Variants in MPST observed in about 807,000 individuals in gnomAD.
MPST encodes the protein mercaptopyruvate sulfurtransferase, also known as 3-mercaptopyruvate sulfurtransferase.
MPST carries 27 observed loss-of-function variants against 28.5 expected under a neutral mutation model. That is an observed-to-expected ratio of 0.95 (90% CI 0.70 to 1.31). The LOEUF (loss-of-function observed/expected upper bound fraction) is 1.31. Ranked by LOEUF, MPST falls within the 50% of genes most tolerant of loss-of-function variation. The pLI is 0.00. For synonymous variants in MPST, 204 were observed against 209.3 expected (o/e 0.97, Z 0.22); for missense variants, 492 against 471.1 (o/e 1.04, Z -0.41).
chr22:37,027,851 G>T (rs139225091), intron 2 of MPST: 2 of 152,154 alleles, frequency 1.3e-5, no homozygotes, highest in Admixed American at 1.3e-4. Flanking sequence ...ATCCTTCGGG[G>T]CATTCTCAGA....
At chr22:37,026,032 G>C (rs1184266171) in intron 2 of MPST, 1 of 152,218 alleles carries the variant, frequency 6.6e-6, no homozygotes, top group African/African-American at 2.4e-5. Context: ...GGTGTTACCG[G>C]AACCATAGGA....
In MPST at chr22:37,029,604, G is replaced by A. The variant is rs1923769766; in HGVS notation, c.*90G>A. On this transcript the variant is annotated 3_prime_UTR_variant, in exon 3 of 3. Transcript: ENST00000429360. ...CCGCTTCTGCTTTCACCAAGAGAGT[G>A]TTTCTTCACTCAACTCAGGTGGCAT... 3.0e-6 allele frequency: 4 copies of A among 1,322,892 alleles called. No homozygotes were observed. The highest frequency in any genetic ancestry group is 2.5e-5 in the Admixed American group (1 of 39,684). 81.9% of individuals were successfully genotyped at this position (1,322,892 alleles called of 1,614,324 possible). A position where few individuals can be genotyped will look rare whatever the true frequency, so the allele number is the denominator to read the frequency against.
Position 37,024,771 on chromosome 22 carries a change from A to G in MPST, c.616A>G (p.Thr206Ala). Residue 206 changes from threonine to alanine, a missense_variant, in exon 2 of 3, where the codon ACT becomes GCT. By Grantham distance (58) the Thr-to-Ala change is moderately conservative (BLOSUM62 0). Transcript: ENST00000429360. ...CTTCCAGGTGGTGGACTCCCGAGCC[A>G]CTGGCAGGTTCCGCGGCACCGAGCC... is the stretch of plus-strand genomic sequence containing the variant. Reference protein sequence around the residue: ...RRFQVVDSRATGRFRGTEPEP... With the variant: ...RRFQVVDSRAAGRFRGTEPEP... 1 of 1,602,752 alleles carries G rather than the reference A, an allele frequency of 6.2e-7. No homozygotes were observed. The highest frequency in any genetic ancestry group is 8.5e-7 in the Non-Finnish European group (1 of 1,179,692).
At chr22:37,026,317 TA>T (rs1210688222) in intron 2 of MPST, 1 of 152,102 alleles carries the variant, frequency 6.6e-6, no homozygotes, top group African/African-American at 2.4e-5. Context: ...AAAGACATGA[TA>T]GGGGCAAGGA....
chr22:37,029,649 G>A lies in MPST; in HGVS notation c.*135G>A. 2.1e-6 allele frequency: 2 copies of A among 944,964 alleles called. No homozygotes were observed. The highest frequency in any genetic ancestry group is 1.7e-5 in the African/African-American group (1 of 60,542). 58.5% of individuals were successfully genotyped at this position (944,964 alleles called of 1,614,324 possible). On this transcript the variant is annotated 3_prime_UTR_variant, in exon 3 of 3. Transcript: ENST00000429360. Reference sequence around the variant, plus strand: ...TGGCATTTGGGGTGACATCTCAAAGGCCAGGAATTCCGTTGACTTGTTGGC... The same window carrying A: ...TGGCATTTGGGGTGACATCTCAAAGACCAGGAATTCCGTTGACTTGTTGGC...
intron 1 of MPST, 110 bp from the exon 2 acceptor site, chr22:37,024,082 C>G (rs11704682): frequency 0.13 from 169,277 of 1,264,532 alleles, 12,569 homozygotes; most frequent in Middle Eastern, 0.18. Flanking sequence ...GGACTCTGCC[C>G]TGCACGGGCC....
At chr22:37,026,425 G>T (rs1923531324) in intron 2 of MPST, 1 of 152,158 alleles carries the variant, frequency 6.6e-6, no homozygotes, top group Non-Finnish European at 1.5e-5. Flanking sequence ...CTCATCTATA[G>T]AATGGGAGGT....
Position 37,029,571 on chromosome 22 carries a change from TG to T in MPST, c.*59del. The T allele has an allele frequency of 1.3e-6, 2 of 1,483,058 alleles. No individual in the cohort carries two copies. Among genetic ancestry groups the T allele is most frequent in the Non-Finnish European group, 1.8e-6 (2 of 1,098,446 alleles). The allele number at this position is 1,483,058 out of a possible 1,614,324, so 91.9% of individuals were successfully genotyped here. Reference sequence around the variant, plus strand: ...TGCCGGCCACCAGCAATGCCTGGCCTGGTAGCTCCGCTTCTGCTTTCACCAA... The same window carrying T: ...TGCCGGCCACCAGCAATGCCTGGCCTGTAGCTCCGCTTCTGCTTTCACCAA... On this transcript the variant is annotated 3_prime_UTR_variant, in exon 3 of 3. Transcript: ENST00000429360.
At chr22:37,023,954 G>T in intron 1 of MPST, 1 of 1,516,090 alleles carries the variant, frequency 6.6e-7, no homozygotes, top group Non-Finnish European at 8.8e-7. Context: ...GGGGCTCTCC[G>T]GGAGGTCATG....
chr22:37,022,836 G>A (rs1286020331), intron 1 of MPST, among the ~76,000 whole-genome samples: 2 of 152,216 alleles, frequency 1.3e-5, no homozygotes, highest in African/African-American at 4.8e-5. Context: ...GATAAGTGAG[G>A]GCTGATCTGC....
chr22:37,026,795 G>A (rs1386901197), intron 2 of MPST: 2 of 152,432 alleles, frequency 1.3e-5, no homozygotes, highest in African/African-American at 4.8e-5. Flanking sequence ...CTATGCCAGG[G>A]TCTGAGAATA....
Position 37,024,355 on chromosome 22 carries a change from G to C in MPST, c.200G>C (p.Arg67Pro). The change falls in exon 2 of 3, where the codon CGC becomes CCC. Residue 67 changes from arginine to proline, a missense_variant. Arg to Pro is a moderately radical substitution (Grantham distance 103). Coordinates refer to ENST00000429360, the MANE Select transcript of MPST (RefSeq NM_021126.8). ...YLPKLGRDAR[R>P]EFEERHIPGA... ...CCGAAGCTGGGGCGCGACGCGCGAC[G>C]CGAGTTCGAGGAGCGCCACATCCCG... 1 of 1,543,406 alleles carries C rather than the reference G, an allele frequency of 6.5e-7. No individual in the cohort carries two copies. Among genetic ancestry groups the C allele is most frequent in the Non-Finnish European group, 8.7e-7 (1 of 1,145,722 alleles).
chr22:37,025,412 A>G (rs570644464), intron 2 of MPST: 272 of 250,666 alleles, frequency 1.1e-3, no homozygotes, highest in African/African-American at 5.9e-3. Flanking sequence ...CGGGGGCTGC[A>G]TAAAGGAAAG....
At chr22:37,024,918 ATTTCCTTTCCTTTTTTC>A in intron 2 of MPST, 108 bp downstream of exon 2, 1 of 1,541,470 alleles carries the variant, frequency 6.5e-7, no homozygotes. Context: ...TCTTGCTTTC[ATTTCCTTTCCTTTTTTC>A]TTTCCTTTCC....
chr22:37,025,825 C>T (rs1258860522), intron 2 of MPST: 1 of 152,258 alleles, frequency 6.6e-6, no homozygotes, highest in Admixed American at 6.6e-5. Flanking sequence ...AGAGCATTCC[C>T]ATGGCTACAG....
At chr22:37,024,074 ACT>A in intron 1 of MPST, 116 bp from the exon 2 acceptor site, 1 of 1,260,636 alleles carries the variant, frequency 7.9e-7, no homozygotes, top group Non-Finnish European at 1.0e-6. Context: ...CGTTCCCTGG[ACT>A]CTGCCCTGCA....
chr22:37,024,674 G>A lies in MPST; in HGVS notation c.519G>A (p.Glu173=). 6.3e-7 allele frequency: 1 copy of A among 1,599,288 alleles called. No homozygotes were observed. The highest frequency in any genetic ancestry group is 8.5e-7 in the Non-Finnish European group (1 of 1,179,694). Residue 173 remains glutamate (E), a synonymous_variant, in exon 2 of 3, where the codon GAG becomes GAA. Transcript: ENST00000429360. ...GCAAGAGCCAACCTGCTCCCGCCGA[G>A]TTCCGCGCTCAGCTCGACCCCGCCT... is the stretch of plus-strand genomic sequence containing the variant. ...SSGKSQPAPA[E]FRAQLDPAFI...
chr22:37,023,013 T>G (rs552700818), intron 1 of MPST: 1 of 152,810 alleles, frequency 6.5e-6, no homozygotes, highest in South Asian at 2.1e-4. Flanking sequence ...CCTGGCATAG[T>G]GGGCTGGCGA....
Position 37,019,802 on chromosome 22 carries a change from C to A in MPST, c.-35C>A. On this transcript the variant is annotated 5_prime_UTR_variant, in exon 1 of 3. Coordinates refer to ENST00000429360, the MANE Select transcript of MPST (RefSeq NM_021126.8). ...TGGTGGCGGGAGGAGGGGACAGCTGCGGGCGCGGGGAGGGGGCGCCGCGCC... is the reference window on the plus strand; with the variant it reads ...TGGTGGCGGGAGGAGGGGACAGCTGAGGGCGCGGGGAGGGGGCGCCGCGCC... 2 of 1,108,820 alleles carry A rather than the reference C, an allele frequency of 1.8e-6. No individual in the cohort carries two copies. The highest frequency in any genetic ancestry group is 2.3e-6 in the Non-Finnish European group (2 of 875,464). The allele number at this position is 1,108,820 out of a possible 1,614,324, so 68.7% of individuals were successfully genotyped here.
Sources: allele counts gnomAD v4.1 joint callset (sites outside exome capture counted in the v4.1 genomes callset), GRCh38; gene constraint gnomAD v4.1.1; transcripts MANE v1.5; gene names NCBI Gene and HGNC (gene_info 2026-07-23, HGNC 2026-07-21).